DYRK1A: variants seen among roughly 807,000 people sequenced by gnomAD.
DYRK1A encodes dual specificity tyrosine-phosphorylation-regulated kinase 1A.
DYRK1A carries 9 observed loss-of-function variants against 79.7 expected under a neutral mutation model. That is an observed-to-expected ratio of 0.11 (90% CI 0.07 to 0.20). The LOEUF is 0.20. Among genes scored for constraint, DYRK1A ranks in the 10% least tolerant of loss-of-function variants. DYRK1A has a pLI of 1.00. For missense variants in DYRK1A, 622 were observed against 956.0 expected, an observed-to-expected ratio of 0.65 and a Z score of 4.61; for synonymous variants, 349 against 329.7, an observed-to-expected ratio of 1.06 and a Z score of -0.63.
rs890498943 is a variant in DYRK1A, at chr21:37,401,031, C to T, written c.-76-19268C>T. Among the ~76,000 whole-genome samples, 3 of 152,016 alleles carry T rather than the reference C, an allele frequency of 2.0e-5. No homozygotes were observed. The East Asian group carries it at 5.8e-4, about 29-fold the overall frequency. On this transcript the variant is annotated intron_variant, in intron 1 of 11. Coordinates refer to ENST00000647188, the MANE Select transcript of DYRK1A (RefSeq NM_001347721.2). ...TGGTGGTGCACACTTGTAGTCCCAG[C>T]TACTTGGGAGGCTGAGGCGGGAGAA...
chr21:37,450,681 G>A (rs2148500592), intron 2 of DYRK1A, among the ~76,000 whole-genome samples: 1 of 152,314 alleles, frequency 6.6e-6, no homozygotes, highest in East Asian at 1.9e-4. Context: ...TCCCAGGCCA[G>A]CCTGGGCAGA....
At chr21:37,500,498 AT>A (rs1213568803) in intron 9 of DYRK1A, among the ~76,000 whole-genome samples, 1 of 151,832 alleles carries the variant, frequency 6.6e-6, no homozygotes, top group Non-Finnish European at 1.5e-5. Flanking sequence ...ATTAGGAAAT[AT>A]TTTTTCTTGA....
chr21:37,374,786 C>T (rs372899744), intron 1 of DYRK1A, among the ~76,000 whole-genome samples: 1 of 152,176 alleles, frequency 6.6e-6, no homozygotes, highest in East Asian at 1.9e-4. Flanking sequence ...ATCTCCTGAC[C>T]TCGTGATCCG....
Position 37,520,995 on chromosome 21 carries a change from G to A in DYRK1A, c.*8464G>A, listed in dbSNP as rs1233753008. 1.3e-5 allele frequency: 2 copies of A among 152,222 alleles called. No homozygotes were observed. Among genetic ancestry groups the A allele is most frequent in the Non-Finnish European group, 2.9e-5 (2 of 68,080 alleles). 9.4% of individuals were successfully genotyped at this position (152,222 alleles called of 1,614,324 possible). A position where few individuals can be genotyped will look rare whatever the true frequency, so the allele number is the denominator to read the frequency against. On this transcript the variant is annotated 3_prime_UTR_variant, in exon 12 of 12. Transcript: ENST00000647188. ...CCAGGAATGTGGGTGCTGGAGAGAC[G>A]GGCTACCTCTTTCTGTAGGCGGATG... is the stretch of plus-strand genomic sequence containing the variant.
At chr21:37,484,299 A>G (rs1227550383) in intron 5 of DYRK1A, among the ~76,000 whole-genome samples, 8 of 150,722 alleles carry the variant, frequency 5.3e-5, no homozygotes, top group Admixed American at 5.3e-4. Flanking sequence ...AAACTTCACT[A>G]ACGTTTGGGC....
chr21:37,464,251 G>C (rs2051949591), intron 2 of DYRK1A: 1 of 472,216 alleles, frequency 2.1e-6, no homozygotes. Context: ...TGTTGTTTAT[G>C]AAATATTTCT....
At chr21:37,403,798 G>GTT (rs564315919) in intron 1 of DYRK1A, among the ~76,000 whole-genome samples, 4 of 139,610 alleles carry the variant, frequency 2.9e-5, no homozygotes, top group Middle Eastern at 3.5e-3. Flanking sequence ...GATGAATACT[G>GTT]TTTTTTTTTT....
rs925161771 is a variant in DYRK1A, at chr21:37,489,559, A to G, written c.638-616A>G. The stretch of plus-strand genomic sequence containing the variant: ...ACAAGAGTTGTCACTTACCAATTTG[A>G]TAAACACAGTTAAGTCCTCCAATAC... On this transcript the variant is annotated intron_variant, in intron 6 of 11. Transcript: ENST00000647188. 3.9e-5 allele frequency among the ~76,000 whole-genome samples: 6 copies of G among 152,096 alleles called. No individual in the cohort carries two copies. The East Asian group carries it at 1.2e-3, about 29-fold the overall frequency.
chr21:37,368,527 G>A (rs1386311075), intron 1 of DYRK1A, among the ~76,000 whole-genome samples: 3 of 152,214 alleles, frequency 2.0e-5, no homozygotes, highest in Non-Finnish European at 4.4e-5. Context: ...TGGGCACAGC[G>A]CAGGAATGCT....
At chr21:37,447,348 A>C (rs1276203760) in intron 2 of DYRK1A, among the ~76,000 whole-genome samples, 2 of 152,012 alleles carry the variant, frequency 1.3e-5, no homozygotes, top group African/African-American at 2.4e-5. Context: ...ATAAGTGTAC[A>C]TATATATACA....
intron 2 of DYRK1A, among the ~76,000 whole-genome samples, chr21:37,424,084 A>G (rs1429082327): frequency 6.6e-6 from 1 of 152,130 alleles, no homozygotes; most frequent in East Asian, 1.9e-4. Context: ...TATGTGGGGT[A>G]CACTAGGAGA....
At chr21:37,403,109 T>G (rs1288865986) in intron 1 of DYRK1A, among the ~76,000 whole-genome samples, 1 of 152,072 alleles carries the variant, frequency 6.6e-6, no homozygotes, top group African/African-American at 2.4e-5. Flanking sequence ...GTTTGCTGAT[T>G]TTTTTTCCCT....
rs1184467539 is a variant in DYRK1A at position 37,493,154 on chromosome 21, T to C, written c.1062T>C (p.Gly354=). 2 of 1,609,222 alleles carry C rather than the reference T, an allele frequency of 1.2e-6. No individual in the cohort carries two copies. The highest frequency in any genetic ancestry group is 1.7e-5 in the Admixed American group (1 of 59,908). The change falls in exon 8 of 12, where the codon GGT becomes GGC. Residue 354 remains glycine, a synonymous_variant. Coordinates refer to ENST00000647188, the MANE Select transcript of DYRK1A (RefSeq NM_001347721.2). ...ACACTGGAGAACCTCTGTTCAGTGGTGCCAATGAGGTAAATGATGTATTGC... is the reference window on the plus strand; with the variant it reads ...ACACTGGAGAACCTCTGTTCAGTGGCGCCAATGAGGTAAATGATGTATTGC... ...EMHTGEPLFS[G]ANEVDQMNKI...
At chr21:37,375,965 C>T (rs1378023088) in intron 1 of DYRK1A, among the ~76,000 whole-genome samples, 2 of 151,982 alleles carry the variant, frequency 1.3e-5, no homozygotes, top group African/African-American at 4.8e-5. Flanking sequence ...CCCCCCTCTT[C>T]CTATACCAAT....
intron 2 of DYRK1A, chr21:37,430,321 A>C (rs1426328681): frequency 1.0e-6 from 1 of 977,812 alleles, no homozygotes; most frequent in Non-Finnish European, 1.2e-6. Context: ...ATAGTGTATT[A>C]AGACTCATGG....
intron 4 of DYRK1A, among the ~76,000 whole-genome samples, chr21:37,479,205 A>G (rs1199549082): frequency 6.6e-6 from 1 of 152,210 alleles, no homozygotes; most frequent in Non-Finnish European, 1.5e-5. Flanking sequence ...TTACAGTGGC[A>G]GTGTGGCAAC....
At chr21:37,428,940 CT>C (rs2050701102) in intron 2 of DYRK1A, 1 of 152,114 alleles carries the variant, frequency 6.6e-6, no homozygotes, top group African/African-American at 2.4e-5. Context: ...CAAGATTTTA[CT>C]TTTCTTTAAG....
chr21:37,450,357 G>C (rs1355514263), intron 2 of DYRK1A, among the ~76,000 whole-genome samples: 1 of 152,134 alleles, frequency 6.6e-6, no homozygotes, highest in African/African-American at 2.4e-5. Flanking sequence ...TTTTTCATCA[G>C]GAGAAATAAG....
In DYRK1A at chr21:37,493,178, G is replaced by A. The variant is rs374505179; in HGVS notation, c.1071+15G>A. The A allele has an allele frequency of 1.2e-4, 182 of 1,569,168 alleles. 1 individual carries two copies. In the African/African-American group the frequency reaches 2.3e-3, roughly 19 times the overall value. ...GTGCCAATGAGGTAAATGATGTATT[G>A]CTTTACAAATTCTGTTTTCATAATT... On this transcript the variant is annotated intron_variant, in intron 8 of 11. Transcript: ENST00000647188.
Sources: gnomAD v4.1 joint callset for allele counts (sites outside exome capture counted in the v4.1 genomes callset) on GRCh38, gnomAD v4.1.1 for gene constraint, MANE v1.5 for transcripts, NCBI Gene and HGNC (gene_info 2026-07-23, HGNC 2026-07-21) for gene names.